The following CYTH1 variants were observed in gnomAD, a reference collection of about 807,000 sequenced individuals.
CYTH1 encodes cytohesin 1.
A neutral mutation model predicts 61.8 loss-of-function variants in CYTH1; 18 were observed. The observed-to-expected ratio is 0.29, with a 90% CI of 0.20 to 0.43. The LOEUF is 0.43. Ranked by LOEUF, CYTH1 falls within the 20% of genes least tolerant of loss-of-function variation. The probability of loss-of-function intolerance (pLI) is 1.00; values close to 1 mark genes in which losing one functional copy is unlikely to be tolerated. For missense variants in CYTH1, 336 were observed against 510.5 expected (o/e 0.66, Z 3.29); for synonymous variants, 174 against 184.3 (o/e 0.94, Z 0.45).
intron 1 of CYTH1, among the ~76,000 whole-genome samples, chr17:78,714,072 G>T (rs780235311): frequency 1.3e-5 from 2 of 152,188 alleles, no homozygotes; most frequent in East Asian, 1.9e-4. Flanking sequence ...GGTGGATCAC[G>T]TGAGGCCAGG....
chr17:78,733,614 C>A (rs961466484), intron 1 of CYTH1, among the ~76,000 whole-genome samples: 1 of 152,246 alleles, frequency 6.6e-6, no homozygotes, highest in East Asian at 1.9e-4. Flanking sequence ...CATGTAAGCC[C>A]GTAGCAGCAG....
At chr17:78,741,563 G>T (rs971011685) in intron 1 of CYTH1, among the ~76,000 whole-genome samples, 1 of 152,116 alleles carries the variant, frequency 6.6e-6, no homozygotes, top group Non-Finnish European at 1.5e-5. Context: ...GTTTAGAGAG[G>T]ACACCAAGGA....
At chr17:78,765,247 C>G (rs1384063497) in intron 1 of CYTH1, among the ~76,000 whole-genome samples, 2 of 152,110 alleles carry the variant, frequency 1.3e-5, no homozygotes, top group African/African-American at 4.8e-5. Context: ...CAAAGAGAAG[C>G]CTTCCTCAGT....
At chr17:78,748,306 G>T (rs546033464) in intron 1 of CYTH1, among the ~76,000 whole-genome samples, 1 of 152,312 alleles carries the variant, frequency 6.6e-6, no homozygotes, top group Non-Finnish European at 1.5e-5. Context: ...GTCATGCCAG[G>T]TGTCCCGTCA....
intron 2 of CYTH1, 80 bp from the exon 3 acceptor site, chr17:78,708,341 C>A: frequency 4.5e-6 from 6 of 1,320,184 alleles, no homozygotes; most frequent in Middle Eastern, 1.8e-4. Context: ...ACATAACTCC[C>A]TCCAACCAAA....
intron 11 of CYTH1, among the ~76,000 whole-genome samples, chr17:78,687,394 A>G (rs2092827736): frequency 1.3e-5 from 2 of 152,288 alleles, no homozygotes; most frequent in East Asian, 3.9e-4. Flanking sequence ...CTCAACTTTA[A>G]TCCAGAACAT....
At chr17:78,685,960 G>A (rs2092812342) in intron 11 of CYTH1, among the ~76,000 whole-genome samples, 3 of 152,222 alleles carry the variant, frequency 2.0e-5, no homozygotes, top group African/African-American at 7.2e-5. Flanking sequence ...ATGGTCTAAG[G>A]GGCCAGGCTT....
chr17:78,701,878 T>A, intron 5 of CYTH1, 127 bp from the exon 6 acceptor site: 1 of 923,712 alleles, frequency 1.1e-6, no homozygotes, highest in South Asian at 1.5e-5. Context: ...GACAGCCACT[T>A]GTGCACACTG....
At chr17:78,694,825 AC>A (rs1213587699) in intron 10 of CYTH1, among the ~76,000 whole-genome samples, 1 of 152,206 alleles carries the variant, frequency 6.6e-6, no homozygotes, top group Non-Finnish European at 1.5e-5. Context: ...TTATGCCTGG[AC>A]AATTTGTTGC....
At chr17:78,774,007 A>C (rs2144764607) in intron 1 of CYTH1, among the ~76,000 whole-genome samples, 1 of 152,360 alleles carries the variant, frequency 6.6e-6, no homozygotes, top group South Asian at 2.1e-4. Context: ...TGATCAGTAG[A>C]TTTAATAAGT....
chr17:78,696,529 G>A (rs151070303), intron 9 of CYTH1, among the ~76,000 whole-genome samples: 705 of 152,268 alleles, frequency 4.6e-3, no homozygotes, highest in African/African-American at 0.016. Flanking sequence ...AGCTACAGAC[G>A]GCTGGAAGCC....
intron 13 of CYTH1, chr17:78,676,403 C>G (rs1417401664): frequency 1.8e-6 from 1 of 546,322 alleles, no homozygotes; most frequent in Non-Finnish European, 3.2e-6. Context: ...GGGGTTTTTA[C>G]CTGTTTCAAC....
chr17:78,743,131 T>TA (rs1417246179), intron 1 of CYTH1, among the ~76,000 whole-genome samples: 2 of 152,220 alleles, frequency 1.3e-5, no homozygotes, highest in Non-Finnish European at 2.9e-5. Context: ...GAAAGATGTC[T>TA]ATGTTATACT....
intron 1 of CYTH1, among the ~76,000 whole-genome samples, chr17:78,749,020 C>T (rs1259069764): frequency 1.3e-5 from 2 of 152,190 alleles, no homozygotes; most frequent in Non-Finnish European, 1.5e-5. Flanking sequence ...CCAACACACC[C>T]ACATACTGTG....
At chr17:78,721,016 G>T (rs2093223875) in intron 1 of CYTH1, among the ~76,000 whole-genome samples, 1 of 152,168 alleles carries the variant, frequency 6.6e-6, no homozygotes, top group Non-Finnish European at 1.5e-5. Flanking sequence ...CCACCAATTT[G>T]CAGCCTAAGA....
At chr17:78,776,353 T>C (rs1375414663) in intron 1 of CYTH1, among the ~76,000 whole-genome samples, 3 of 152,080 alleles carry the variant, frequency 2.0e-5, no homozygotes, top group African/African-American at 7.2e-5. Context: ...CACAGAAATA[T>C]ATACTGGCAA....
intron 1 of CYTH1, among the ~76,000 whole-genome samples, chr17:78,737,899 A>ACACG (rs1555612379): frequency 6.7e-6 from 1 of 149,520 alleles, no homozygotes; most frequent in African/African-American, 2.5e-5. Context: ...ACACACACAC[A>ACACG]CGATATTTTA....
intron 1 of CYTH1, among the ~76,000 whole-genome samples, chr17:78,781,066 G>A (rs1339989482): frequency 1.3e-5 from 2 of 151,218 alleles, no homozygotes; most frequent in African/African-American, 2.4e-5. Context: ...AAAATTAGCC[G>A]GGCATGGTGG....
At chr17:78,731,099 C>T (rs961273906) in intron 1 of CYTH1, among the ~76,000 whole-genome samples, 5 of 152,148 alleles carry the variant, frequency 3.3e-5, no homozygotes, top group Admixed American at 6.5e-5. Flanking sequence ...ACAGAATCAA[C>T]GCATCACATA....
Sources: gnomAD v4.1 joint callset for allele counts (sites outside exome capture counted in the v4.1 genomes callset) on GRCh38, gnomAD v4.1.1 for gene constraint, MANE v1.5 for transcripts, NCBI Gene and HGNC (gene_info 2026-07-23, HGNC 2026-07-21) for gene names.